Variants in CFAP100 observed in about 807,000 individuals in gnomAD.
The protein encoded by CFAP100 is cilia- and flagella-associated protein 100.
A neutral mutation model predicts 81.5 loss-of-function variants in CFAP100; 70 were observed. The ratio of observed to expected loss-of-function variants is 0.86; its 90% CI spans 0.71 to 1.05. The LOEUF (loss-of-function observed/expected upper bound fraction) is 1.05. CFAP100 is among the 50% of genes least tolerant of loss of function. The pLI, the probability that CFAP100 is intolerant of heterozygous loss-of-function variation, is 0.00. For synonymous variants in CFAP100, 341 were observed against 314.8 expected (o/e 1.08, Z -0.88); for missense variants, 811 against 776.5 (o/e 1.04, Z -0.53).
intron 13 of CFAP100, among the ~76,000 whole-genome samples, chr3:126,432,095 A>G (rs1933253609): frequency 1.3e-5 from 2 of 152,032 alleles, no homozygotes; most frequent in Admixed American, 6.6e-5. Context: ...CCTGGCTAAC[A>G]CAGTGAAACC....
intron 11 of CFAP100, 59 bp from the exon 12 acceptor site, chr3:126,423,266 C>G (rs1368853053): frequency 6.9e-7 from 1 of 1,448,350 alleles, no homozygotes; most frequent in African/African-American, 1.4e-5. Context: ...GTGCCCCCTC[C>G]CCTGGCTCCT....
intron 11 of CFAP100, 138 bp downstream of exon 11, chr3:126,420,367 C>A: frequency 1.0e-5 from 13 of 1,271,570 alleles, no homozygotes; most frequent in Non-Finnish European, 1.4e-5. Flanking sequence ...AAGGGCCAGA[C>A]AGGGACGTCC....
chr3:126,427,275 A>C (rs1489523394), intron 13 of CFAP100, among the ~76,000 whole-genome samples: 1 of 152,218 alleles, frequency 6.6e-6, no homozygotes, highest in Non-Finnish European at 1.5e-5. Context: ...AGTAATGAAG[A>C]TGGTGTTTGG....
At chr3:126,409,422 TC>T (rs1438973141) in intron 3 of CFAP100, among the ~76,000 whole-genome samples, 1 of 152,222 alleles carries the variant, frequency 6.6e-6, no homozygotes, top group Non-Finnish European at 1.5e-5. Context: ...TGCTATGAAG[TC>T]TTGTACATGT....
At chr3:126,418,301 A>T in intron 5 of CFAP100, 157 bp from the exon 6 acceptor site, 1 of 630,656 alleles carries the variant, frequency 1.6e-6, no homozygotes, top group South Asian at 1.9e-5. Context: ...TTGTGGAGAC[A>T]GAGGACAAGA....
chr3:126,424,729 G>C (rs546349864), intron 13 of CFAP100, among the ~76,000 whole-genome samples: 1 of 152,394 alleles, frequency 6.6e-6, no homozygotes, highest in Non-Finnish European at 1.5e-5. Flanking sequence ...GATGTGACTT[G>C]TGCATACTGA....
intron 2 of CFAP100, among the ~76,000 whole-genome samples, chr3:126,403,112 G>T (rs373119319): frequency 6.6e-6 from 1 of 152,160 alleles, no homozygotes; most frequent in East Asian, 1.9e-4. Context: ...CTCAGTTGGC[G>T]ATGTGTAGGT....
At chr3:126,403,947 G>A (rs2083025138) in intron 2 of CFAP100, among the ~76,000 whole-genome samples, 1 of 152,178 alleles carries the variant, frequency 6.6e-6, no homozygotes, top group Non-Finnish European at 1.5e-5. Flanking sequence ...GAAAATGAAT[G>A]ATAAAGTCAA....
chr3:126,434,449 G>A (rs1305379276), intron 15 of CFAP100, 68 bp downstream of exon 15: 3 of 1,475,946 alleles, frequency 2.0e-6, no homozygotes, highest in African/African-American at 1.4e-5. Flanking sequence ...GGCACATACA[G>A]GCCCCACCCT....
intron 13 of CFAP100, among the ~76,000 whole-genome samples, chr3:126,430,718 T>C (rs907275427): frequency 1.3e-5 from 2 of 151,984 alleles, no homozygotes; most frequent in Non-Finnish European, 2.9e-5. Context: ...TACAGCTCTC[T>C]TGAAATTTTT....
chr3:126,419,932 G>C (rs1182994262), intron 9 of CFAP100, 48 bp from the exon 10 acceptor site: 1 of 1,612,552 alleles, frequency 6.2e-7, no homozygotes, highest in African/African-American at 1.3e-5. Flanking sequence ...CGTTGCTGAA[G>C]CTTGGCTGCA....
In CFAP100 at chr3:126,410,693, T is replaced by C. The variant is rs529819496; in HGVS notation, c.131-3392T>C. Among the ~76,000 whole-genome samples the C allele has an allele frequency of 6.6e-5, 10 of 152,250 alleles. No individual in the cohort carries two copies. The South Asian group carries it at 2.1e-3, about 32-fold the overall frequency. ...TTTATTTCTTTTTCTTGAATCACTC[T>C]CCCAGTGAGGACCCTCATTTTAATG... is the stretch of plus-strand genomic sequence containing the variant. On this transcript the variant is annotated intron_variant, in intron 3 of 16. Transcript: ENST00000352312.
intron 4 of CFAP100, among the ~76,000 whole-genome samples, chr3:126,414,564 AC>A (rs2083204882): frequency 6.6e-6 from 1 of 151,874 alleles, no homozygotes; most frequent in South Asian, 2.1e-4. Flanking sequence ...TCCCACAGGC[AC>A]CCCCTGCTGC....
At chr3:126,416,716 A>C (rs1427959750) in intron 5 of CFAP100, 4 of 510,708 alleles carry the variant, frequency 7.8e-6, no homozygotes, top group African/African-American at 6.0e-5. Context: ...AGAGCTTTTC[A>C]ATCCTAATAG....
intron 2 of CFAP100, among the ~76,000 whole-genome samples, chr3:126,397,656 C>T (rs1046131092): frequency 6.6e-6 from 1 of 152,136 alleles, no homozygotes; most frequent in Non-Finnish European, 1.5e-5. Flanking sequence ...AGGATTGGCA[C>T]CCAGGGCCAG....
chr3:126,427,559 A>C (rs1933012125), intron 13 of CFAP100, among the ~76,000 whole-genome samples: 2 of 152,296 alleles, frequency 1.3e-5, no homozygotes, highest in Admixed American at 1.3e-4. Flanking sequence ...TTTTCAACTC[A>C]TTTGGGTAAA....
rs1180815975 is a variant in CFAP100 at position 126,434,286 on chromosome 3, G to GCAC, written c.1536_1538dup (p.His512dup). 1.9e-6 allele frequency: 3 copies of GCAC among 1,614,002 alleles called. No individual in the cohort carries two copies. The African/African-American group carries it at 4.0e-5, about 22-fold the overall frequency. On this transcript the variant is annotated inframe_insertion, in exon 15 of 17. Transcript: ENST00000352312. ...CCGTGCAGATGCTGACCATCATTGA[G>GCAC]CACCAGCTGGATGAGCTGCTAGAGA...
intron 16 of CFAP100, 23 bp downstream of exon 16, chr3:126,435,675 G>T: frequency 6.3e-7 from 1 of 1,596,856 alleles, no homozygotes; most frequent in Non-Finnish European, 8.6e-7. Flanking sequence ...GCCTTGGGGG[G>T]TCTCTGCTGG....
At chr3:126,407,307 C>A in intron 3 of CFAP100, 55 bp downstream of exon 3, 2 of 1,174,312 alleles carry the variant, frequency 1.7e-6, no homozygotes, top group Non-Finnish European at 2.5e-6. Context: ...AACTCCTCTC[C>A]CTCTGCCCCC....
Sources: gnomAD v4.1 joint callset for allele counts (sites outside exome capture counted in the v4.1 genomes callset) on GRCh38, gnomAD v4.1.1 for gene constraint, MANE v1.5 for transcripts, NCBI Gene and HGNC (gene_info 2026-07-23, HGNC 2026-07-21) for gene names.